Variants in MMP13 observed in about 807,000 individuals in gnomAD.
The protein encoded by MMP13 is collagenase 3.
A neutral mutation model predicts 52.1 loss-of-function variants in MMP13; 45 were observed. That is an observed-to-expected ratio of 0.86 (90% CI 0.68 to 1.11). MMP13 has a LOEUF of 1.11. MMP13 is among the 50% of genes least tolerant of loss of function. The pLI is 0.00. For synonymous variants in MMP13, 200 were observed against 204.4 expected, an observed-to-expected ratio of 0.98 and a Z score of 0.18; for missense variants, 576 against 583.8, an observed-to-expected ratio of 0.99 and a Z score of 0.14.
Position 102,952,276 on chromosome 11 carries a change from A to G in MMP13, c.638-103T>C. ...TCTGGTATGTTTCTTTCTTGGCTAT[A>G]TACTTTCTTTTCTCTTTCTTCAGTC... is the stretch of plus-strand genomic sequence containing the variant. On this transcript the variant is annotated intron_variant, in intron 4 of 9. Transcript: ENST00000260302. The surrounding 1 kb of genome is among the most constrained non-coding windows in gnomAD (Gnocchi z 4.3). The G allele has an allele frequency of 5.3e-6, 7 of 1,331,522 alleles. No individual in the cohort carries two copies. Among genetic ancestry groups the G allele is most frequent in the Non-Finnish European group, 6.4e-6 (6 of 941,988 alleles). The allele number at this position is 1,331,522 out of a possible 1,614,324, so 82.5% of individuals were successfully genotyped here.
In MMP13 at chr11:102,950,599, C is replaced by G. The variant is rs182118860; in HGVS notation, c.800-372G>C. The stretch of plus-strand genomic sequence containing the variant: ...AAGCCATTTTTGATGGCGTATTTTT[C>G]CTGCAAAAGCCCTCATCTTGCCTCC... On this transcript the variant is annotated intron_variant, in intron 5 of 9. Coordinates refer to ENST00000260302, the MANE Select transcript of MMP13 (RefSeq NM_002427.4). 2.0e-5 allele frequency among the ~76,000 whole-genome samples: 3 copies of G among 152,262 alleles called. No individual in the cohort carries two copies. The East Asian group carries it at 5.8e-4, about 29-fold the overall frequency.
In MMP13 at chr11:102,955,605, T is replaced by TC. The variant is rs781201913; in HGVS notation, c.100dup (p.Glu34GlyfsTer33). Reference sequence around the variant, plus strand: ...CTCTACCTCTGCAAACTGGAGGTCTTCCTCAGACAAATCATCTTCATCACC... The same window carrying TC: ...CTCTACCTCTGCAAACTGGAGGTCTTCCCTCAGACAAATCATCTTCATCACC... On this transcript the variant is annotated frameshift_variant, in exon 1 of 10. Transcript: ENST00000260302. LOFTEE classifies it high-confidence loss of function. This position sits in a 1 kb window ranked among gnomAD's most constrained non-coding sequence, Gnocchi z 4.9. The TC allele has an allele frequency of 6.2e-7, 1 of 1,613,986 alleles. No homozygotes were observed. The highest frequency in any genetic ancestry group is 1.1e-5 in the South Asian group (1 of 91,082).
intron 5 of MMP13, among the ~76,000 whole-genome samples, chr11:102,951,436 A>G (rs1176779217): frequency 6.6e-6 from 1 of 152,208 alleles, no homozygotes; most frequent in Non-Finnish European, 1.5e-5. Context: ...GCACATTGCA[A>G]TGTATAAAGT....
At position 102,955,495 on chromosome 11, in the gene MMP13, T is replaced by TA; in HGVS notation, c.121-3dup. 6.2e-7 allele frequency: 1 copy of TA among 1,614,038 alleles called. No homozygotes were observed. The highest frequency in any genetic ancestry group is 8.5e-7 in the Non-Finnish European group (1 of 1,179,928). ...ATGGTAGTATGATCTCAGGTAGCGC[T>TA]AGAAAAGACACCAAAATGAACTGCG... is the stretch of plus-strand genomic sequence containing the variant. On this transcript the variant is annotated splice_region_variant and splice_polypyrimidine_tract_variant and intron_variant, in intron 1 of 9. Coordinates refer to ENST00000260302, the MANE Select transcript of MMP13 (RefSeq NM_002427.4). The surrounding 1 kb of genome is among the most constrained non-coding windows in gnomAD (Gnocchi z 4.9).
rs1171298667 is a variant in MMP13, at chr11:102,943,871, T to A, written c.*395A>T. 3.0e-5 allele frequency: 6 copies of A among 199,302 alleles called. No homozygotes were observed. The East Asian group carries it at 7.4e-4, about 24-fold the overall frequency. The allele number at this position is 199,302 out of a possible 1,614,324, so 12.3% of individuals were successfully genotyped here. Reference sequence around the variant, plus strand: ...TCCCAAATTTCCATTTTCATACTATTTTATACTTTTTAGTAAGAATGATTT... The same window carrying A: ...TCCCAAATTTCCATTTTCATACTATATTATACTTTTTAGTAAGAATGATTT... On this transcript the variant is annotated 3_prime_UTR_variant, in exon 10 of 10. Coordinates refer to ENST00000260302, the MANE Select transcript of MMP13 (RefSeq NM_002427.4).
Position 102,943,188 on chromosome 11 carries a change from G to A in MMP13, c.*1078C>T, listed in dbSNP as rs1555016228. ...CAAGTATCAATAGGCACTGTGGGAAGTGCTGGGGGATTTTTTTAAATGCAG... is the reference window on the plus strand; with the variant it reads ...CAAGTATCAATAGGCACTGTGGGAAATGCTGGGGGATTTTTTTAAATGCAG... On this transcript the variant is annotated 3_prime_UTR_variant, in exon 10 of 10. Coordinates refer to ENST00000260302, the MANE Select transcript of MMP13 (RefSeq NM_002427.4). 1 of 152,096 alleles carries A rather than the reference G, an allele frequency of 6.6e-6. No individual in the cohort carries two copies. Among genetic ancestry groups the A allele is most frequent in the African/African-American group, 2.4e-5 (1 of 41,412 alleles). 9.4% of individuals were successfully genotyped at this position (152,096 alleles called of 1,614,324 possible).
rs782086654 is a variant in MMP13, at chr11:102,952,200, A to G, written c.638-27T>C. The G allele has an allele frequency of 6.2e-7, 1 of 1,608,726 alleles. No individual in the cohort carries two copies. Among genetic ancestry groups the G allele is most frequent in the South Asian group, 1.1e-5 (1 of 90,906 alleles). ...TGTAAGAAAACAAAGAAACAATGAG[A>G]AAAAAAGGAATTCCAGTGACCAGGT... is the stretch of plus-strand genomic sequence containing the variant. On this transcript the variant is annotated intron_variant, in intron 4 of 9. Transcript: ENST00000260302. The surrounding 1 kb of genome is among the most constrained non-coding windows in gnomAD (Gnocchi z 4.3).
rs150203792 is a variant in MMP13 at position 102,945,710 on chromosome 11, C to T, written c.1251G>A (p.Pro417=). Residue 417 remains proline (P), a synonymous_variant, in exon 9 of 10, where the codon CCG becomes CCA. Coordinates refer to ENST00000260302, the MANE Select transcript of MMP13 (RefSeq NM_002427.4). The part of the protein sequence containing the change: ...DTNHIMDKDY[P]RLIEEDFPGI... ...CTGGGAAGTCTTCTTCTATTAGTCT[C>T]GGATAGTCTTTATCCATAATATGGT... is the stretch of plus-strand genomic sequence containing the variant. 86 of 1,603,094 alleles carry T rather than the reference C, an allele frequency of 5.4e-5. No individual in the cohort carries two copies. In the Middle Eastern group the frequency reaches 1.2e-3, roughly 22 times the overall value.
At position 102,949,270 on chromosome 11, in the gene MMP13, TC is replaced by T; in HGVS notation, c.918-113del. The T allele has an allele frequency of 7.4e-7, 1 of 1,351,922 alleles. No homozygotes were observed. The highest frequency in any genetic ancestry group is 1.0e-6 in the Non-Finnish European group (1 of 975,132). 83.7% of individuals were successfully genotyped at this position (1,351,922 alleles called of 1,614,324 possible). On this transcript the variant is annotated intron_variant, in intron 6 of 9. Transcript: ENST00000260302. The surrounding 1 kb of genome is among the most constrained non-coding windows in gnomAD (Gnocchi z 4.2). ...AGACAAGTTAGATACAACCAATACC[TC>T]CCACCTGTGAAGGGAAAAAAAATTC...
chr11:102,947,606 T>C (rs1337061089), intron 8 of MMP13, among the ~76,000 whole-genome samples: 1 of 150,968 alleles, frequency 6.6e-6, no homozygotes, highest in Non-Finnish European at 1.5e-5. Flanking sequence ...GTGCCAAAGA[T>C]GGTTGAGAGG....
Position 102,943,047 on chromosome 11 carries a change from T to G in MMP13, c.*1219A>C, listed in dbSNP as rs188511209. ...ACAACATAAACACTTCCTAATACAC[T>G]TTGCAAATATGCATTTCATTTTCTT... On this transcript the variant is annotated 3_prime_UTR_variant, in exon 10 of 10. Transcript: ENST00000260302. 4 of 152,354 alleles carry G rather than the reference T, an allele frequency of 2.6e-5. No individual in the cohort carries two copies. In the East Asian group the frequency reaches 7.7e-4, roughly 29 times the overall value. 9.4% of individuals were successfully genotyped at this position (152,354 alleles called of 1,614,324 possible). A position where few individuals can be genotyped will look rare whatever the true frequency, so the allele number is the denominator to read the frequency against.
Position 102,955,116 on chromosome 11 carries a change from A to T in MMP13, c.362+136T>A. 2.2e-6 allele frequency: 2 copies of T among 908,464 alleles called. No individual in the cohort carries two copies. Among genetic ancestry groups the T allele is most frequent in the South Asian group, 1.5e-5 (1 of 66,590 alleles). The allele number at this position is 908,464 out of a possible 1,614,324, so 56.3% of individuals were successfully genotyped here. ...TAATGTAACAATAATAGATGTTATG[A>T]GGTATTCTCGGCAACCATATTAAAG... On this transcript the variant is annotated intron_variant, in intron 2 of 9. Transcript: ENST00000260302. This position sits in a 1 kb window ranked among gnomAD's most constrained non-coding sequence, Gnocchi z 4.9.
intron 5 of MMP13, 41 bp downstream of exon 5, chr11:102,951,971 C>A (rs782741779): frequency 5.0e-6 from 8 of 1,599,910 alleles, no homozygotes; most frequent in Non-Finnish European, 6.9e-6. Context: ...GTTTCTTCTG[C>A]TTTTATAACT....
intron 9 of MMP13, 77 bp downstream of exon 9, chr11:102,945,569 A>T (rs1555016572): frequency 1.1e-6 from 1 of 929,538 alleles, no homozygotes; most frequent in African/African-American, 1.6e-5. Context: ...GTCCTATATA[A>T]AAATGCTTTG....
rs1860624915 is a variant in MMP13 at position 102,952,181 on chromosome 11, A to T, written c.638-8T>A. The stretch of plus-strand genomic sequence containing the variant: ...CAAGAAACAAGTTGTAGCCTGTAAG[A>T]AAACAAAGAAACAATGAGAAAAAAA... On this transcript the variant is annotated splice_region_variant and splice_polypyrimidine_tract_variant and intron_variant, in intron 4 of 9. Transcript: ENST00000260302. The surrounding 1 kb of genome is among the most constrained non-coding windows in gnomAD (Gnocchi z 4.3). The T allele has an allele frequency of 6.2e-7, 1 of 1,612,598 alleles. No individual in the cohort carries two copies. Among genetic ancestry groups the T allele is most frequent in the Non-Finnish European group, 8.5e-7 (1 of 1,178,978 alleles).
chr11:102,954,354 T>A, intron 3 of MMP13, 73 bp from the exon 4 acceptor site: 1 of 1,606,430 alleles, frequency 6.2e-7, no homozygotes. Flanking sequence ...GGTAAATTAG[T>A]GTTGAATTCT....
chr11:102,947,101 T>A (rs1352989108), intron 8 of MMP13, among the ~76,000 whole-genome samples: 3 of 152,228 alleles, frequency 2.0e-5, no homozygotes, highest in African/African-American at 7.2e-5. Flanking sequence ...TTATAAACTA[T>A]GGGCCTGTCA....
rs1356708557 is a variant in MMP13 at position 102,943,503 on chromosome 11, T to G, written c.*763A>C. On this transcript the variant is annotated 3_prime_UTR_variant, in exon 10 of 10. Coordinates refer to ENST00000260302, the MANE Select transcript of MMP13 (RefSeq NM_002427.4). ...AGACTATTTTGATAACAATTTTAACTTTGTAATGTGTGACTTCTGAAGAAC... is the reference window on the plus strand; with the variant it reads ...AGACTATTTTGATAACAATTTTAACGTTGTAATGTGTGACTTCTGAAGAAC... 1 of 152,200 alleles carries G rather than the reference T, an allele frequency of 6.6e-6. No homozygotes were observed. The highest frequency in any genetic ancestry group is 1.5e-5 in the Non-Finnish European group (1 of 68,026). 9.4% of individuals were successfully genotyped at this position (152,200 alleles called of 1,614,324 possible). A position where few individuals can be genotyped will look rare whatever the true frequency, so the allele number is the denominator to read the frequency against.
In MMP13 at chr11:102,949,149, C is replaced by A. The variant is rs782298324; in HGVS notation, c.927G>T (p.Trp309Cys). 1.2e-6 allele frequency: 2 copies of A among 1,613,410 alleles called. No individual in the cohort carries two copies. The highest frequency in any genetic ancestry group is 2.2e-5 in the South Asian group (2 of 91,072). Reference protein sequence around the residue: ...ETMIFKDRFFWRLHPQQVDAE... With the variant: ...ETMIFKDRFFCRLHPQQVDAE... The stretch of plus-strand genomic sequence containing the variant: ...CATCAACCTGCTGAGGATGCAGGCG[C>A]CAGAAGAATCTAACACAAAAGTAAA... Residue 309 changes from tryptophan (W) to cysteine (C), a missense_variant, in exon 7 of 10, where the codon TGG becomes TGT. Trp to Cys is a radical substitution (Grantham distance 215). Transcript: ENST00000260302. This position sits in a 1 kb window ranked among gnomAD's most constrained non-coding sequence, Gnocchi z 4.2.
Sources: gnomAD v4.1 joint callset for allele counts (sites outside exome capture counted in the v4.1 genomes callset) on GRCh38, gnomAD v4.1.1 for gene constraint, Gnocchi (gnomAD v3.1) non-coding constraint, MANE v1.5 for transcripts, NCBI Gene and HGNC (gene_info 2026-07-23, HGNC 2026-07-21) for gene names.